The following FAM90A14 variants were observed in gnomAD, a reference collection of about 807,000 sequenced individuals.
FAM90A14 encodes the protein protein FAM90A14.
At chr8:7,716,738 AG>A in the FAM90A14 span, 102 of 152,602 alleles carry the variant, frequency 6.7e-4, 7 homozygotes, top group Non-Finnish European at 1.4e-3. Context: ...CCGCAGAGGA[AG>A]GCTCTCCTCC....
chr8:7,717,411 CCTT>C, the FAM90A14 span: 3 of 69,924 alleles, frequency 4.3e-5, no homozygotes, highest in Non-Finnish European at 6.9e-5. Context: ...GGCGTGTGCA[CCTT>C]GTCTTTGGAT....
the FAM90A14 span, chr8:7,716,851 T>C: frequency 2.4e-5 from 1 of 41,260 alleles, no homozygotes; most frequent in South Asian, 8.4e-5. Context: ...GGGCCCCTGG[T>C]CTTTTTCTCC....
the FAM90A14 span, chr8:7,717,808 G>C: frequency 3.6e-6 from 1 of 280,788 alleles, no homozygotes; most frequent in Non-Finnish European, 6.2e-6. Flanking sequence ...CCCACGGCCT[G>C]CTCCAGGCCG....
the FAM90A14 span, chr8:7,716,676 G>T: frequency 4.9e-6 from 1 of 203,818 alleles, no homozygotes; most frequent in South Asian, 3.0e-5. Flanking sequence ...TGTCTCCTGG[G>T]GAAAACCAGG....
chr8:7,716,435 CT>C, the FAM90A14 span, among the ~76,000 whole-genome samples: 1 of 30,894 alleles, frequency 3.2e-5, no homozygotes, highest in African/African-American at 5.7e-5. Context: ...TCCTTGGGCT[CT>C]GGGAGATTCA....
Sources: gnomAD v4.1 joint callset for allele counts (sites outside exome capture counted in the v4.1 genomes callset) on GRCh38, gnomAD v4.1.1 for gene constraint, MANE v1.5 for transcripts, NCBI Gene and HGNC (gene_info 2026-07-23, HGNC 2026-07-21) for gene names.